DEXI: variants seen among roughly 807,000 people sequenced by gnomAD.
DEXI encodes Dexi homolog.
DEXI carries 2 observed loss-of-function variants against 2.5 expected under a neutral mutation model. That is an observed-to-expected ratio of 0.81 (90% CI 0.33 to 2.55). DEXI has a LOEUF of 2.55. Ranked by LOEUF, DEXI falls within the 30% of genes most tolerant of loss-of-function variation. The probability of loss-of-function intolerance (pLI) is 0.11; values close to 1 mark genes in which losing one functional copy is unlikely to be tolerated. For synonymous variants in DEXI, 71 were observed against 68.7 expected (o/e 1.03, Z -0.17); for missense variants, 108 against 130.3 (o/e 0.83, Z 0.83).
Position 10,942,251 on chromosome 16 carries a change from C to A in DEXI, c.-246G>T. 1 of 364,050 alleles carries A rather than the reference C, an allele frequency of 2.7e-6. No homozygotes were observed. The highest frequency in any genetic ancestry group is 4.9e-6 in the Non-Finnish European group (1 of 202,054). 22.6% of individuals were successfully genotyped at this position (364,050 alleles called of 1,614,324 possible). A position where few individuals can be genotyped will look rare whatever the true frequency, so the allele number is the denominator to read the frequency against. On this transcript the variant is annotated 5_prime_UTR_variant, in exon 1 of 2. In the 5' UTR this introduces an upstream ATG that the reference lacks. Coordinates refer to ENST00000331808, the MANE Select transcript of DEXI (RefSeq NM_014015.4). The surrounding 1 kb of genome is among the most constrained non-coding windows in gnomAD (Gnocchi z 5.0). ...CGCCCGGGCGGCGAGGCGGGCCCCC[C>A]TGAAGTGGCCCGCGGCTGCCCGGCT...
chr16:10,939,740 GT>G lies in DEXI; in HGVS notation c.*149+1828del, dbSNP rs1406520990. On this transcript the variant is annotated intron_variant, in intron 1 of 1. Transcript: ENST00000331808. The surrounding 1 kb of genome is among the most constrained non-coding windows in gnomAD (Gnocchi z 4.9). ...GACCGTCTACTAGAGGCCAGGCACA[GT>G]TTTAAGTGTTGAGGACATGGCAGTG... 4.6e-5 allele frequency: 7 copies of G among 152,252 alleles called. No homozygotes were observed. The highest frequency in any genetic ancestry group is 3.9e-4 in the Admixed American group (6 of 15,280). The allele number at this position is 152,252 out of a possible 1,614,324, so 9.4% of individuals were successfully genotyped here.
Position 10,941,794 on chromosome 16 carries a change from C to T in DEXI, c.212G>A (p.Gly71Asp), listed in dbSNP as rs778838339. The T allele has an allele frequency of 1.2e-6, 2 of 1,613,656 alleles. No homozygotes were observed. The highest frequency in any genetic ancestry group is 1.1e-5 in the South Asian group (1 of 91,068). ...EDMDQALVDL[G>D]VLSDPGSGLY... Reference sequence around the variant, plus strand: ...GCCCGAGCCGGGGTCGGAGAGCACGCCGAGGTCCACGAGCGCCTGGTCCAT... The same window carrying T: ...GCCCGAGCCGGGGTCGGAGAGCACGTCGAGGTCCACGAGCGCCTGGTCCAT... The change falls in exon 1 of 2, where the codon GGC becomes GAC. Residue 71 changes from glycine (G) to aspartate (D), a missense_variant. Physicochemically the swap from Gly to Asp is moderately conservative, Grantham distance 94. Transcript: ENST00000331808. This position sits in a 1 kb window ranked among gnomAD's most constrained non-coding sequence, Gnocchi z 6.4.
chr16:10,937,180 T>A lies in DEXI; in HGVS notation c.*149+4389A>T, dbSNP rs1053639564. ...CCAAGGACCTTCTGGGTGAGCCTCA[T>A]GTCAGGAGCAGAGCTGGAGAGGTGG... On this transcript the variant is annotated intron_variant, in intron 1 of 1. Transcript: ENST00000331808. This position sits in a 1 kb window ranked among gnomAD's most constrained non-coding sequence, Gnocchi z 4.2. 1 of 152,310 alleles carries A rather than the reference T, an allele frequency of 6.6e-6. No individual in the cohort carries two copies. Among genetic ancestry groups the A allele is most frequent in the Non-Finnish European group, 1.5e-5 (1 of 68,112 alleles). The allele number at this position is 152,310 out of a possible 1,614,324, so 9.4% of individuals were successfully genotyped here. A position where few individuals can be genotyped will look rare whatever the true frequency, so the allele number is the denominator to read the frequency against.
At position 10,938,634 on chromosome 16, in the gene DEXI, C is replaced by T. The variant is rs1038971705; in HGVS notation, c.*149+2935G>A. On this transcript the variant is annotated intron_variant, in intron 1 of 1. Coordinates refer to ENST00000331808, the MANE Select transcript of DEXI (RefSeq NM_014015.4). This position sits in a 1 kb window ranked among gnomAD's most constrained non-coding sequence, Gnocchi z 4.9. ...GGCGGCTTCCCTGCTGCTAGCTACCCCTCTCATACCCTGGGGTTCTGAGCT... is the reference window on the plus strand; with the variant it reads ...GGCGGCTTCCCTGCTGCTAGCTACCTCTCTCATACCCTGGGGTTCTGAGCT... 6.6e-6 allele frequency: 1 copy of T among 152,166 alleles called. No homozygotes were observed. The highest frequency in any genetic ancestry group is 1.5e-5 in the Non-Finnish European group (1 of 68,048). 9.4% of individuals were successfully genotyped at this position (152,166 alleles called of 1,614,324 possible).
In DEXI at chr16:10,939,715, G is replaced by C. The variant is rs1042593530; in HGVS notation, c.*149+1854C>G. The C allele has an allele frequency of 3.9e-5, 6 of 152,214 alleles. No homozygotes were observed. Among genetic ancestry groups the C allele is most frequent in the Non-Finnish European group, 8.8e-5 (6 of 68,046 alleles). The allele number at this position is 152,214 out of a possible 1,614,324, so 9.4% of individuals were successfully genotyped here. The stretch of plus-strand genomic sequence containing the variant: ...TTCACTCCATGTCTACACCTACAGA[G>C]ACCGTCTACTAGAGGCCAGGCACAG... On this transcript the variant is annotated intron_variant, in intron 1 of 1. Transcript: ENST00000331808. This position sits in a 1 kb window ranked among gnomAD's most constrained non-coding sequence, Gnocchi z 4.9.
Position 10,929,593 on chromosome 16 carries a change from G to A in DEXI, c.*150-34C>T, listed in dbSNP as rs987590907. 55 of 982,956 alleles carry A rather than the reference G, an allele frequency of 5.6e-5. No individual in the cohort carries two copies. The highest frequency in any genetic ancestry group is 7.0e-5 in the African/African-American group (4 of 57,168). The allele number at this position is 982,956 out of a possible 1,614,324, so 60.9% of individuals were successfully genotyped here. A position where few individuals can be genotyped will look rare whatever the true frequency, so the allele number is the denominator to read the frequency against. ...AAGGAAAAAGGGGGGTTATTAGCAC[G>A]GAAGCCCCACCCTGCCACCAGGTTG... On this transcript the variant is annotated intron_variant, in intron 1 of 1. Coordinates refer to ENST00000331808, the MANE Select transcript of DEXI (RefSeq NM_014015.4). The surrounding 1 kb of genome is among the most constrained non-coding windows in gnomAD (Gnocchi z 4.3).
At chr16:10,935,805 G>C (rs972211820) in intron 1 of DEXI, 1 of 152,132 alleles carries the variant, frequency 6.6e-6, no homozygotes, top group Admixed American at 6.5e-5. Flanking sequence ...CCCAAATTGA[G>C]AGACAGTTTA....
At chr16:10,933,620 G>C (rs909686492) in intron 1 of DEXI, 1 of 152,258 alleles carries the variant, frequency 6.6e-6, no homozygotes, top group Non-Finnish European at 1.5e-5. Context: ...GCACACACGA[G>C]ACATCAGTAC....
chr16:10,930,546 A>C (rs1451220321), intron 1 of DEXI: 1 of 152,230 alleles, frequency 6.6e-6, no homozygotes. Flanking sequence ...TTATCATTTA[A>C]TAGGATAAGA....
rs528842292 is a variant in DEXI, at chr16:10,941,640, C to A, written c.*78G>T. 2 of 1,528,810 alleles carry A rather than the reference C, an allele frequency of 1.3e-6. No individual in the cohort carries two copies. The highest frequency in any genetic ancestry group is 2.8e-5 in the African/African-American group (2 of 72,564). 94.7% of individuals were successfully genotyped at this position (1,528,810 alleles called of 1,614,324 possible). A position where few individuals can be genotyped will look rare whatever the true frequency, so the allele number is the denominator to read the frequency against. ...TCCAGATGGTGCCCCCAACCAGCTG[C>A]GGCGGCATGATCTGGGCGGCTGGTC... On this transcript the variant is annotated 3_prime_UTR_variant, in exon 1 of 2. Coordinates refer to ENST00000331808, the MANE Select transcript of DEXI (RefSeq NM_014015.4). This position sits in a 1 kb window ranked among gnomAD's most constrained non-coding sequence, Gnocchi z 6.4.
At position 10,941,507 on chromosome 16, in the gene DEXI, T is replaced by C; in HGVS notation, c.*149+62A>G. On this transcript the variant is annotated intron_variant, in intron 1 of 1. Coordinates refer to ENST00000331808, the MANE Select transcript of DEXI (RefSeq NM_014015.4). The surrounding 1 kb of genome is among the most constrained non-coding windows in gnomAD (Gnocchi z 6.4). ...GAGGGGTGTGTATCCGGCCTGGGAATTCCTCCCTCTCCCTTGCTAGCGCCC... is the reference window on the plus strand; with the variant it reads ...GAGGGGTGTGTATCCGGCCTGGGAACTCCTCCCTCTCCCTTGCTAGCGCCC... The C allele has an allele frequency of 7.3e-7, 1 of 1,373,706 alleles. No individual in the cohort carries two copies. Among genetic ancestry groups the C allele is most frequent in the East Asian group, 2.8e-5 (1 of 35,214 alleles). The allele number at this position is 1,373,706 out of a possible 1,614,324, so 85.1% of individuals were successfully genotyped here.
chr16:10,935,398 A>T (rs1258131662), intron 1 of DEXI: 1 of 152,260 alleles, frequency 6.6e-6, no homozygotes, highest in Non-Finnish European at 1.5e-5. Context: ...ATACAGGCCA[A>T]GGCCCTGTGA....
intron 1 of DEXI, chr16:10,933,554 G>A (rs907744823): frequency 1.3e-5 from 2 of 152,342 alleles, no homozygotes; most frequent in South Asian, 2.1e-4. Context: ...CTGGAAAAGG[G>A]GACAGTGCCC....
Position 10,940,717 on chromosome 16 carries a change from C to T in DEXI, c.*149+852G>A, listed in dbSNP as rs1445581771. 2.0e-5 allele frequency: 3 copies of T among 152,448 alleles called. No homozygotes were observed. The highest frequency in any genetic ancestry group is 2.0e-4 in the Admixed American group (3 of 15,290). The allele number at this position is 152,448 out of a possible 1,614,324, so 9.4% of individuals were successfully genotyped here. ...CAAGTCTTACTCCTTCCTGGACCTT[C>T]ATTTCCCTACCTCTCACATACACAG... On this transcript the variant is annotated intron_variant, in intron 1 of 1. Transcript: ENST00000331808. This position sits in a 1 kb window ranked among gnomAD's most constrained non-coding sequence, Gnocchi z 4.2.
rs1313295520 is a variant in DEXI at position 10,938,312 on chromosome 16, C to T, written c.*149+3257G>A. On this transcript the variant is annotated intron_variant, in intron 1 of 1. Coordinates refer to ENST00000331808, the MANE Select transcript of DEXI (RefSeq NM_014015.4). The surrounding 1 kb of genome is among the most constrained non-coding windows in gnomAD (Gnocchi z 4.9). ...AACCATGACCCTAATACTGCCTCCT[C>T]AAGTAGGTGCTCAGCAAATGTTTGA... 1 of 151,578 alleles carries T rather than the reference C, an allele frequency of 6.6e-6. No individual in the cohort carries two copies. Among genetic ancestry groups the T allele is most frequent in the East Asian group, 1.9e-4 (1 of 5,144 alleles). The allele number at this position is 151,578 out of a possible 1,614,324, so 9.4% of individuals were successfully genotyped here.
chr16:10,939,622 T>A lies in DEXI; in HGVS notation c.*149+1947A>T, dbSNP rs934835732. 6.6e-6 allele frequency: 1 copy of A among 152,258 alleles called. No homozygotes were observed. The highest frequency in any genetic ancestry group is 2.4e-5 in the African/African-American group (1 of 41,460). 9.4% of individuals were successfully genotyped at this position (152,258 alleles called of 1,614,324 possible). ...GCTCAGCTCAAAAGCATCATCTCCTTAGAGAGGCTTTCTCTGACCCCTCAG... is the reference window on the plus strand; with the variant it reads ...GCTCAGCTCAAAAGCATCATCTCCTAAGAGAGGCTTTCTCTGACCCCTCAG... On this transcript the variant is annotated intron_variant, in intron 1 of 1. Coordinates refer to ENST00000331808, the MANE Select transcript of DEXI (RefSeq NM_014015.4). The surrounding 1 kb of genome is among the most constrained non-coding windows in gnomAD (Gnocchi z 4.9).
chr16:10,942,064 C>A lies in DEXI; in HGVS notation c.-59G>T, dbSNP rs2041110252. On this transcript the variant is annotated 5_prime_UTR_variant, in exon 1 of 2. Coordinates refer to ENST00000331808, the MANE Select transcript of DEXI (RefSeq NM_014015.4). The surrounding 1 kb of genome is among the most constrained non-coding windows in gnomAD (Gnocchi z 5.0). ...CCGGCGAACTCAGCCGCTGCGGCGC[C>A]CGGGCGGCCGGCGAGGGCACAGCGC... 1.5e-6 allele frequency: 2 copies of A among 1,316,708 alleles called. No individual in the cohort carries two copies. Among genetic ancestry groups the A allele is most frequent in the South Asian group, 4.6e-5 (2 of 43,228 alleles). 81.6% of individuals were successfully genotyped at this position (1,316,708 alleles called of 1,614,324 possible).
Position 10,934,983 on chromosome 16 carries a change from C to G in DEXI, c.*150-5424G>C, listed in dbSNP as rs1596655037. 8 of 152,394 alleles carry G rather than the reference C, an allele frequency of 5.2e-5. 1 individual carries two copies. The highest frequency in any genetic ancestry group is 4.6e-4 in the Admixed American group (7 of 15,306). The allele number at this position is 152,394 out of a possible 1,614,324, so 9.4% of individuals were successfully genotyped here. On this transcript the variant is annotated intron_variant, in intron 1 of 1. Coordinates refer to ENST00000331808, the MANE Select transcript of DEXI (RefSeq NM_014015.4). This position sits in a 1 kb window ranked among gnomAD's most constrained non-coding sequence, Gnocchi z 4.2. ...GGGGAAGGCTTCCTGGGCTAGAGCCCCTTCAGGGTCTGACACGCCATTGAC... is the reference window on the plus strand; with the variant it reads ...GGGGAAGGCTTCCTGGGCTAGAGCCGCTTCAGGGTCTGACACGCCATTGAC...
chr16:10,937,619 C>G lies in DEXI; in HGVS notation c.*149+3950G>C, dbSNP rs2041047050. The stretch of plus-strand genomic sequence containing the variant: ...CTCTGCATTTTCAGCTCGCTGTGTG[C>G]CAAGAGAGGGCTGGCAGGTACCAGC... On this transcript the variant is annotated intron_variant, in intron 1 of 1. Coordinates refer to ENST00000331808, the MANE Select transcript of DEXI (RefSeq NM_014015.4). This position sits in a 1 kb window ranked among gnomAD's most constrained non-coding sequence, Gnocchi z 4.2. The G allele has an allele frequency of 6.6e-6, 1 of 152,250 alleles. No homozygotes were observed. Among genetic ancestry groups the G allele is most frequent in the African/African-American group, 2.4e-5 (1 of 41,446 alleles). The allele number at this position is 152,250 out of a possible 1,614,324, so 9.4% of individuals were successfully genotyped here. A position where few individuals can be genotyped will look rare whatever the true frequency, so the allele number is the denominator to read the frequency against.
Sources: gnomAD v4.1 joint callset for allele counts on GRCh38, gnomAD v4.1.1 for gene constraint, Gnocchi (gnomAD v3.1) non-coding constraint, MANE v1.5 for transcripts, NCBI Gene and HGNC (gene_info 2026-07-23, HGNC 2026-07-21) for gene names.